Variants in TMEM260 observed in about 807,000 individuals in gnomAD.
The protein encoded by TMEM260 is transmembrane protein 260, also known as protein O-mannosyl-transferase TMEM260.
In TMEM260, 82 loss-of-function variants were observed where a neutral mutation model predicts 88.9. That is an observed-to-expected ratio of 0.92 (90% CI 0.77 to 1.11). The LOEUF is 1.11. Among genes scored for constraint, TMEM260 ranks in the 50% least tolerant of loss-of-function variants. The pLI is 0.00. For missense variants in TMEM260, 902 were observed against 853.4 expected, an observed-to-expected ratio of 1.06 and a Z score of -0.71; for synonymous variants, 314 against 309.3, an observed-to-expected ratio of 1.02 and a Z score of -0.16.
the TMEM260 span, among the ~76,000 whole-genome samples, chr14:56,659,457 G>A: frequency 3.3e-5 from 5 of 152,162 alleles, no homozygotes; most frequent in Admixed American, 1.3e-4. Flanking sequence ...CAGCCTAGTC[G>A]TTAGGGTAGG....
chr14:56,650,179 C>G, downstream of TMEM260: 1 of 434,308 alleles, frequency 2.3e-6, no homozygotes, highest in Non-Finnish European at 4.6e-6. Context: ...GGCCAGCGTT[C>G]TAGCAGTGTC....
intron 15 of TMEM260, 128 bp downstream of exon 15, chr14:56,636,726 T>C (rs966657554): frequency 9.3e-5 from 75 of 802,302 alleles, no homozygotes; most frequent in Non-Finnish European, 1.5e-4. Flanking sequence ...TTGGGTGGTA[T>C]AAAGCAGCAC....
At chr14:56,597,155 CAG>C (rs2139532751) in intron 3 of TMEM260, among the ~76,000 whole-genome samples, 1 of 152,234 alleles carries the variant, frequency 6.6e-6, no homozygotes, top group Non-Finnish European at 1.5e-5. Context: ...GAAGGCAAAA[CAG>C]TGTTCCACAT....
At chr14:56,646,967 G>T (rs763663500) in intron 15 of TMEM260, among the ~76,000 whole-genome samples, 2 of 152,056 alleles carry the variant, frequency 1.3e-5, no homozygotes, top group Non-Finnish European at 2.9e-5. Flanking sequence ...TCTTTCTGGA[G>T]GAAGAGCATT....
At chr14:56,632,496 A>G (rs1446576536) in intron 12 of TMEM260, among the ~76,000 whole-genome samples, 1 of 151,552 alleles carries the variant, frequency 6.6e-6, no homozygotes, top group Non-Finnish European at 1.5e-5. Context: ...GACCTGGGGG[A>G]TTCCCTCCAC....
At chr14:56,592,068 A>G (rs927383605) in intron 3 of TMEM260, among the ~76,000 whole-genome samples, 1 of 152,192 alleles carries the variant, frequency 6.6e-6, no homozygotes, top group Non-Finnish European at 1.5e-5. Flanking sequence ...AATACTTTAT[A>G]CTTTCCTTTT....
rs2139566803 is a variant in TMEM260, at chr14:56,609,155, G to C, written c.686G>C (p.Gly229Ala). ...LLKLSLYFSA[G>A]LLPYVHLPIS... Reference sequence around the variant, plus strand: ...AAGTTGAGCCTGTACTTCTCTGCTGGTTTGCTGCCCTATGTCCACCTTCCC... The same window carrying C: ...AAGTTGAGCCTGTACTTCTCTGCTGCTTTGCTGCCCTATGTCCACCTTCCC... The change falls in exon 6 of 16, where the codon GGT becomes GCT. Residue 229 changes from glycine to alanine, a missense_variant. Physicochemically the swap from Gly to Ala is moderately conservative, Grantham distance 60. Coordinates refer to ENST00000261556, the MANE Select transcript of TMEM260 (RefSeq NM_017799.4). The C allele has an allele frequency of 4.3e-6, 7 of 1,614,122 alleles. No homozygotes were observed. Among genetic ancestry groups the C allele is most frequent in the Middle Eastern group, 1.6e-4 (1 of 6,062 alleles).
intron 12 of TMEM260, among the ~76,000 whole-genome samples, chr14:56,629,940 C>G (rs1002675129): frequency 1.3e-5 from 2 of 151,694 alleles, no homozygotes; most frequent in African/African-American, 4.9e-5. Flanking sequence ...ACTTGGGCAG[C>G]TGAGGTGGGA....
rs186962300 is a variant in TMEM260, at chr14:56,584,961, C to T, written c.161-40C>T. The stretch of plus-strand genomic sequence containing the variant: ...TTGAAAACTTTGGAGGAGTGTCATT[C>T]TCTAATAGTAATTATTGGTTTTACA... On this transcript the variant is annotated intron_variant, in intron 1 of 15. Coordinates refer to ENST00000261556, the MANE Select transcript of TMEM260 (RefSeq NM_017799.4). The T allele has an allele frequency of 1.3e-5, 20 of 1,589,332 alleles. 1 individual carries two copies. In the South Asian group the frequency reaches 1.4e-4, roughly 11 times the overall value.
At chr14:56,621,266 T>G (rs1178991557) in intron 10 of TMEM260, among the ~76,000 whole-genome samples, 1 of 152,212 alleles carries the variant, frequency 6.6e-6, no homozygotes, top group African/African-American at 2.4e-5. Flanking sequence ...AAAGGACCTA[T>G]TCTTGTGTAC....
downstream of TMEM260, among the ~76,000 whole-genome samples, chr14:56,649,843 G>T (rs965306828): frequency 1.3e-5 from 2 of 152,094 alleles, no homozygotes; most frequent in African/African-American, 4.8e-5. Context: ...AGTGACTTTG[G>T]GCCACTCTCT....
chr14:56,618,880 G>T, intron 10 of TMEM260, 117 bp downstream of exon 10: 1 of 1,037,262 alleles, frequency 9.6e-7, no homozygotes. Context: ...AAGTGAGACA[G>T]CTTGGTTGAA....
At chr14:56,593,203 A>G in intron 3 of TMEM260, 1 of 152,346 alleles carries the variant, frequency 6.6e-6, no homozygotes, top group Non-Finnish European at 1.5e-5. Flanking sequence ...TTTGTGGACC[A>G]AGAAAAGAAG....
chr14:56,629,105 A>C (rs1240225436), intron 12 of TMEM260, among the ~76,000 whole-genome samples: 1 of 152,014 alleles, frequency 6.6e-6, no homozygotes, highest in Non-Finnish European at 1.5e-5. Context: ...CATGTTGGCC[A>C]GGCTGGTCTT....
At chr14:56,589,624 A>C (rs971324347) in intron 3 of TMEM260, among the ~76,000 whole-genome samples, 1 of 152,178 alleles carries the variant, frequency 6.6e-6, no homozygotes, top group African/African-American at 2.4e-5. Flanking sequence ...ATAATATTAA[A>C]GGTATATTGA....
At chr14:56,633,247 G>C in intron 13 of TMEM260, 76 bp downstream of exon 13, 1 of 1,252,254 alleles carries the variant, frequency 8.0e-7, no homozygotes, top group Admixed American at 2.4e-5. Context: ...TACATTTTGA[G>C]ATGCCTTCTA....
downstream of TMEM260, among the ~76,000 whole-genome samples, chr14:56,655,592 CTGAACAAATAAATAGT>C (rs1890286510): frequency 6.6e-6 from 1 of 152,068 alleles, no homozygotes; most frequent in Non-Finnish European, 1.5e-5. Context: ...TTGTCCCTTG[CTGAACAAATAAATAGT>C]TGATTTAAAG....
intron 14 of TMEM260, among the ~76,000 whole-genome samples, chr14:56,635,406 C>T (rs1000207296): frequency 2.0e-5 from 3 of 152,224 alleles, no homozygotes; most frequent in African/African-American, 7.2e-5. Context: ...ATTGAAGCTA[C>T]ACATATGAAT....
At chr14:56,641,476 G>A (rs916071055) in intron 15 of TMEM260, among the ~76,000 whole-genome samples, 1 of 152,150 alleles carries the variant, frequency 6.6e-6, no homozygotes, top group African/African-American at 2.4e-5. Flanking sequence ...GAGAGATTTT[G>A]TCACCACCAG....
Sources: allele counts gnomAD v4.1 joint callset (sites outside exome capture counted in the v4.1 genomes callset), GRCh38; gene constraint gnomAD v4.1.1; transcripts MANE v1.5; gene names NCBI Gene and HGNC (gene_info 2026-07-23, HGNC 2026-07-21).